The following SGIP1 variants were observed in gnomAD, a reference collection of about 807,000 sequenced individuals.
The protein encoded by SGIP1 is SH3-containing GRB2-like protein 3-interacting protein 1.
In SGIP1, 38 loss-of-function variants were observed where a neutral mutation model predicts 107.5. That is an observed-to-expected ratio of 0.35 (90% CI 0.27 to 0.46). The LOEUF (loss-of-function observed/expected upper bound fraction) is 0.46. SGIP1 is among the 20% of genes least tolerant of loss of function. The pLI, the probability that SGIP1 is intolerant of heterozygous loss-of-function variation, is 1.00. For missense variants in SGIP1, 929 were observed against 1,019.5 expected, an observed-to-expected ratio of 0.91 and a Z score of 1.21; for synonymous variants, 365 against 366.1, an observed-to-expected ratio of 1.00 and a Z score of 0.03.
chr1:66,535,512 T>C (rs1234940940), intron 1 of SGIP1, among the ~76,000 whole-genome samples: 1 of 152,220 alleles, frequency 6.6e-6, no homozygotes. Context: ...TGTACTTATT[T>C]GGCAGAAATG....
chr1:66,547,631 C>T (rs941008306), intron 1 of SGIP1, among the ~76,000 whole-genome samples: 5 of 152,060 alleles, frequency 3.3e-5, no homozygotes, highest in Admixed American at 6.6e-5. Context: ...CAGTGCAAGG[C>T]GATGAGCTAG....
At chr1:66,659,986 GAAAGAAAGA>G (rs2080687334) in intron 7 of SGIP1, 3 of 79,544 alleles carry the variant, frequency 3.8e-5, no homozygotes, top group Non-Finnish European at 6.1e-5. Context: ...AAGAAAGAAA[GAAAGAAAGA>G]AAGACAGACA....
Position 66,683,299 on chromosome 1 carries a change from G to T in SGIP1, c.1315+930G>T, listed in dbSNP as rs143797325. Among the ~76,000 whole-genome samples, 53 of 152,256 alleles carry T rather than the reference G, an allele frequency of 3.5e-4. No individual in the cohort carries two copies. The East Asian group carries it at 9.1e-3, about 26-fold the overall frequency. ...GTGGGTTCAGTTTAGGGGCCTTCAGGGGGTGCCATGTATTTGTTTTTCCTT... is the reference window on the plus strand; with the variant it reads ...GTGGGTTCAGTTTAGGGGCCTTCAGTGGGTGCCATGTATTTGTTTTTCCTT... On this transcript the variant is annotated intron_variant, in intron 15 of 24. Transcript: ENST00000371037.
At position 66,633,147 on chromosome 1, in the gene SGIP1, G is replaced by A. The variant is rs2075129065; in HGVS notation, c.99+53G>A. On this transcript the variant is annotated intron_variant, in intron 3 of 24. Transcript: ENST00000371037. Reference sequence around the variant, plus strand: ...GAGTTTGTGCTTCAATATATGCTATGTTTAAATTTCTCAAAGCCCTTTTTT... The same window carrying A: ...GAGTTTGTGCTTCAATATATGCTATATTTAAATTTCTCAAAGCCCTTTTTT... 5 of 1,218,098 alleles carry A rather than the reference G, an allele frequency of 4.1e-6. No homozygotes were observed. The South Asian group carries it at 6.5e-5, about 16-fold the overall frequency. 75.5% of individuals were successfully genotyped at this position (1,218,098 alleles called of 1,614,324 possible). A position where few individuals can be genotyped will look rare whatever the true frequency, so the allele number is the denominator to read the frequency against.
At chr1:66,675,735 A>G (rs183871298) in intron 12 of SGIP1, among the ~76,000 whole-genome samples, 1 of 151,182 alleles carries the variant, frequency 6.6e-6, no homozygotes, top group Non-Finnish European at 1.5e-5. Flanking sequence ...GGGTTTCACC[A>G]TGTTGCCCAG....
intron 4 of SGIP1, among the ~76,000 whole-genome samples, chr1:66,639,289 G>A (rs2149459386): frequency 6.6e-6 from 1 of 152,290 alleles, no homozygotes; most frequent in East Asian, 1.9e-4. Flanking sequence ...TTTTATCAAG[G>A]GGGTAGTTAC....
chr1:66,652,409 AC>A (rs553601197), intron 7 of SGIP1, among the ~76,000 whole-genome samples: 54 of 152,288 alleles, frequency 3.5e-4, no homozygotes, highest in Non-Finnish European at 5.7e-4. Context: ...GAGCTGACCT[AC>A]CCTGGCGTGT....
chr1:66,683,689 T>G (rs2150019553), intron 15 of SGIP1, among the ~76,000 whole-genome samples: 1 of 148,754 alleles, frequency 6.7e-6, no homozygotes, highest in Non-Finnish European at 1.5e-5. Context: ...CACTGTTTGT[T>G]TGTTTCTTTT....
At chr1:66,669,128 A>G (rs1360465653) in intron 9 of SGIP1, among the ~76,000 whole-genome samples, 1 of 152,222 alleles carries the variant, frequency 6.6e-6, no homozygotes, top group Non-Finnish European at 1.5e-5. Context: ...TTTCTAAACA[A>G]CAGAGTTTTC....
intron 1 of SGIP1, among the ~76,000 whole-genome samples, chr1:66,587,131 A>G (rs1292993797): frequency 6.6e-6 from 1 of 151,958 alleles, no homozygotes; most frequent in Non-Finnish European, 1.5e-5. Context: ...TATTATTTGT[A>G]TTTAATTTTC....
intron 18 of SGIP1, chr1:66,704,157 T>G (rs535791019): frequency 6.6e-6 from 1 of 152,168 alleles, no homozygotes; most frequent in East Asian, 1.9e-4. Context: ...TGTGTTTTAC[T>G]TAGTTCTTGC....
chr1:66,627,449 G>A (rs1295361750), intron 2 of SGIP1, among the ~76,000 whole-genome samples: 1 of 152,128 alleles, frequency 6.6e-6, no homozygotes, highest in Non-Finnish European at 1.5e-5. Flanking sequence ...AGGAGACCAG[G>A]ACCAGATAGG....
chr1:66,545,498 T>C (rs1415696194), intron 1 of SGIP1, among the ~76,000 whole-genome samples: 3 of 152,180 alleles, frequency 2.0e-5, no homozygotes, highest in Non-Finnish European at 4.4e-5. Context: ...ACATGTTTCC[T>C]CCTCAGGAAA....
intron 7 of SGIP1, among the ~76,000 whole-genome samples, chr1:66,651,242 G>C (rs1353437438): frequency 6.6e-6 from 1 of 152,164 alleles, no homozygotes; most frequent in Non-Finnish European, 1.5e-5. Context: ...TGGCAGCTGT[G>C]AACACGAGTG....
At chr1:66,707,693 T>C (rs562426593) in intron 18 of SGIP1, among the ~76,000 whole-genome samples, 1 of 152,278 alleles carries the variant, frequency 6.6e-6, no homozygotes, top group African/African-American at 2.4e-5. Context: ...AGTTGCATAG[T>C]CTGGTAGATG....
intron 1 of SGIP1, among the ~76,000 whole-genome samples, chr1:66,569,443 TG>T (rs2060091065): frequency 1.3e-5 from 2 of 151,852 alleles, no homozygotes; most frequent in South Asian, 4.1e-4. Flanking sequence ...TAATCAGAAA[TG>T]GGTGTTGGAT....
intron 1 of SGIP1, among the ~76,000 whole-genome samples, chr1:66,614,099 A>T (rs908462955): frequency 9.2e-5 from 14 of 152,168 alleles, no homozygotes; most frequent in African/African-American, 2.9e-4. Flanking sequence ...GAATATGAGG[A>T]CCTAGGATCT....
intron 17 of SGIP1, among the ~76,000 whole-genome samples, chr1:66,691,559 C>G (rs1036726905): frequency 6.6e-6 from 1 of 152,196 alleles, no homozygotes; most frequent in Admixed American, 6.5e-5. Context: ...GCAACATCAA[C>G]TGGGGCAATT....
At chr1:66,627,375 C>A (rs1412126860) in intron 2 of SGIP1, among the ~76,000 whole-genome samples, 1 of 152,054 alleles carries the variant, frequency 6.6e-6, no homozygotes, top group Non-Finnish European at 1.5e-5. Flanking sequence ...ACTGACAAGA[C>A]AAATGGGGCA....
Sources: gnomAD v4.1 joint callset for allele counts (sites outside exome capture counted in the v4.1 genomes callset) on GRCh38, gnomAD v4.1.1 for gene constraint, MANE v1.5 for transcripts, NCBI Gene and HGNC (gene_info 2026-07-23, HGNC 2026-07-21) for gene names.